Variants in PLEKHD1 observed in about 807,000 individuals in gnomAD.
PLEKHD1 encodes pleckstrin homology and coiled-coil domain containing D1.
In PLEKHD1, 51 loss-of-function variants were observed where a neutral mutation model predicts 69.2. The ratio of observed to expected loss-of-function variants is 0.74; its 90% CI spans 0.59 to 0.93. The LOEUF (loss-of-function observed/expected upper bound fraction) is 0.93, where lower values mean the gene tolerates loss of function less well. Among genes scored for constraint, PLEKHD1 ranks in the 40% least tolerant of loss-of-function variants. The pLI is 0.00. For missense variants in PLEKHD1, 584 were observed against 641.0 expected (o/e 0.91, Z 0.96); for synonymous variants, 236 against 244.7 (o/e 0.96, Z 0.33).
chr14:69,500,562 C>G lies in PLEKHD1; in HGVS notation c.244-15C>G, dbSNP rs1454540389. 1 of 1,542,012 alleles carries G rather than the reference C, an allele frequency of 6.5e-7. No homozygotes were observed. The highest frequency in any genetic ancestry group is 2.4e-5 in the East Asian group (1 of 40,860). On this transcript the variant is annotated splice_polypyrimidine_tract_variant and intron_variant, in intron 2 of 12. Coordinates refer to ENST00000322564, the MANE Select transcript of PLEKHD1 (RefSeq NM_001161498.2). ...TTGGGTGGGGTGGGGGCTGCCTGTTCTGGTTCTTCCTCAGGGCGTCATCCC... is the reference window on the plus strand; with the variant it reads ...TTGGGTGGGGTGGGGGCTGCCTGTTGTGGTTCTTCCTCAGGGCGTCATCCC...
At chr14:69,498,197 G>A (rs1882934860) in intron 1 of PLEKHD1, among the ~76,000 whole-genome samples, 1 of 151,660 alleles carries the variant, frequency 6.6e-6, no homozygotes, top group African/African-American at 2.4e-5. Flanking sequence ...TCCTGCCACA[G>A]CCTCCTGAGT....
chr14:69,519,736 C>A (rs555175534), intron 6 of PLEKHD1, among the ~76,000 whole-genome samples: 8 of 152,242 alleles, frequency 5.3e-5, no homozygotes, highest in African/African-American at 1.7e-4. Flanking sequence ...GATATCCCAG[C>A]GTAATATCAA....
chr14:69,509,479 T>C (rs1285423849), intron 6 of PLEKHD1, among the ~76,000 whole-genome samples: 1 of 152,206 alleles, frequency 6.6e-6, no homozygotes, highest in Admixed American at 6.5e-5. Flanking sequence ...ATCACCTAGG[T>C]TGTCTCCTAT....
chr14:69,526,181 G>A (rs1407090480), intron 9 of PLEKHD1, 59 bp downstream of exon 9: 37 of 1,470,618 alleles, frequency 2.5e-5, no homozygotes, highest in Non-Finnish European at 2.8e-5. Context: ...GACTTTCCTC[G>A]AACTGGACAT....
At chr14:69,467,898 C>G in the PLEKHD1 span, among the ~76,000 whole-genome samples, 1 of 152,224 alleles carries the variant, frequency 6.6e-6, no homozygotes, top group African/African-American at 2.4e-5. Flanking sequence ...AATTTCACCA[C>G]TAATAAATCA....
chr14:69,522,693 G>A (rs1183839549), intron 7 of PLEKHD1, among the ~76,000 whole-genome samples: 1 of 152,132 alleles, frequency 6.6e-6, no homozygotes, highest in Admixed American at 6.5e-5. Context: ...GACAGGACAC[G>A]CTGGCCTAGA....
chr14:69,522,464 C>T, intron 7 of PLEKHD1, 87 bp downstream of exon 7: 4 of 1,345,282 alleles, frequency 3.0e-6, no homozygotes, highest in Non-Finnish European at 4.1e-6. Context: ...GAGGCCTCCA[C>T]CTCAGAGATG....
upstream of PLEKHD1, chr14:69,484,626 C>G: frequency 4.9e-6 from 1 of 204,794 alleles, no homozygotes; most frequent in Non-Finnish European, 9.8e-6. Flanking sequence ...CCACTCCCAG[C>G]CAATCGGGGC....
At chr14:69,494,097 A>C (rs933791917) in intron 1 of PLEKHD1, among the ~76,000 whole-genome samples, 9 of 152,242 alleles carry the variant, frequency 5.9e-5, no homozygotes, top group African/African-American at 2.2e-4. Context: ...ACTGAGTCTG[A>C]ACCCAATCAT....
chr14:69,514,350 C>G (rs1156404725), intron 6 of PLEKHD1, among the ~76,000 whole-genome samples: 1 of 151,646 alleles, frequency 6.6e-6, no homozygotes, highest in Non-Finnish European at 1.5e-5. Context: ...TCGGCCATGT[C>G]CAGTCTCGCA....
chr14:69,520,631 G>C (rs1883492516), intron 6 of PLEKHD1, among the ~76,000 whole-genome samples: 2 of 151,996 alleles, frequency 1.3e-5, no homozygotes, highest in Non-Finnish European at 2.9e-5. Flanking sequence ...CGGGAGGCTG[G>C]AGCAGGAGAA....
At chr14:69,480,662 T>A (rs1882525672), upstream of PLEKHD1, among the ~76,000 whole-genome samples, 8 of 152,006 alleles carry the variant, frequency 5.3e-5, no homozygotes, top group South Asian at 1.7e-3. Context: ...TTTTTTTTTT[T>A]CTTTTTTGAG....
At chr14:69,488,072 G>T (rs925636811) in intron 1 of PLEKHD1, among the ~76,000 whole-genome samples, 2 of 152,168 alleles carry the variant, frequency 1.3e-5, no homozygotes. Context: ...AGCCAGTAGG[G>T]CCTGAACCGA....
chr14:69,522,248 C>T (rs921992694), intron 6 of PLEKHD1, 35 bp from the exon 7 acceptor site: 13 of 1,544,636 alleles, frequency 8.4e-6, no homozygotes, highest in Non-Finnish European at 9.6e-6. Flanking sequence ...TCCTTTGCTG[C>T]CTGTGACTCT....
At chr14:69,490,008 AGGCATGTACCACCATGCCC>A (rs1168559071) in intron 1 of PLEKHD1, among the ~76,000 whole-genome samples, 6 of 152,180 alleles carry the variant, frequency 3.9e-5, no homozygotes, top group African/African-American at 1.4e-4. Context: ...CTGGGATCAC[AGGCATGTACCACCATGCCC>A]GGCTAATTTT....
At chr14:69,510,132 T>C (rs530877453) in intron 6 of PLEKHD1, among the ~76,000 whole-genome samples, 1 of 152,350 alleles carries the variant, frequency 6.6e-6, no homozygotes, top group South Asian at 2.1e-4. Context: ...AGTTGGGTAG[T>C]CTCAGTCTTC....
At chr14:69,479,746 CTT>C (rs1180212642), upstream of PLEKHD1, among the ~76,000 whole-genome samples, 1 of 152,154 alleles carries the variant, frequency 6.6e-6, no homozygotes, top group African/African-American at 2.4e-5. Flanking sequence ...CAGTGATTGT[CTT>C]TAGTTCATAC....
At chr14:69,496,689 C>A (rs1450308636) in intron 1 of PLEKHD1, among the ~76,000 whole-genome samples, 1 of 149,528 alleles carries the variant, frequency 6.7e-6, no homozygotes, top group Non-Finnish European at 1.5e-5. Context: ...GCATGTACCA[C>A]CATGCCCAGC....
At chr14:69,494,385 T>C (rs1033698517) in intron 1 of PLEKHD1, among the ~76,000 whole-genome samples, 3 of 152,186 alleles carry the variant, frequency 2.0e-5, no homozygotes, top group African/African-American at 7.2e-5. Flanking sequence ...GGTCAGGAGC[T>C]GGATGGAGCA....
Sources: allele counts gnomAD v4.1 joint callset (sites outside exome capture counted in the v4.1 genomes callset), GRCh38; gene constraint gnomAD v4.1.1; transcripts MANE v1.5; gene names NCBI Gene and HGNC (gene_info 2026-07-23, HGNC 2026-07-21).